NFIX: variants seen among roughly 807,000 people sequenced by gnomAD.
NFIX encodes nuclear factor I X.
NFIX carries 2 observed loss-of-function variants against 53.3 expected under a neutral mutation model. That is an observed-to-expected ratio of 0.04 (90% CI 0.02 to 0.12). The LOEUF (loss-of-function observed/expected upper bound fraction) is 0.12, where lower values mean the gene tolerates loss of function less well. NFIX is among the 10% of genes least tolerant of loss of function. The pLI is 1.00. For missense variants in NFIX, 310 were observed against 674.5 expected (o/e 0.46, Z 5.99); for synonymous variants, 244 against 289.0 (o/e 0.84, Z 1.58).
At chr19:13,054,301 G>T (rs1234591960) in intron 2 of NFIX, among the ~76,000 whole-genome samples, 1 of 152,228 alleles carries the variant, frequency 6.6e-6, no homozygotes. Context: ...GTTCTCATCT[G>T]TAAAGATGGG....
intron 8 of NFIX, among the ~76,000 whole-genome samples, chr19:13,085,628 C>T (rs1478135093): frequency 6.6e-6 from 1 of 152,252 alleles, no homozygotes; most frequent in African/African-American, 2.4e-5. Context: ...CAGCCCTTGA[C>T]ACATATGGGG....
chr19:13,091,382 C>T (rs866452686), intron 10 of NFIX, among the ~76,000 whole-genome samples: 647 of 81,886 alleles, frequency 7.9e-3, no homozygotes, highest in Middle Eastern at 0.038. Flanking sequence ...TTTTTTTTTT[C>T]TTTTCCTTTC....
intron 1 of NFIX, among the ~76,000 whole-genome samples, chr19:12,997,737 G>A (rs913285541): frequency 2.0e-5 from 3 of 152,162 alleles, no homozygotes; most frequent in African/African-American, 7.2e-5. Context: ...CCCATGGCTT[G>A]GGTGAGACAC....
At position 13,012,235 on chromosome 19, in the gene NFIX, T is replaced by TGGA. The variant is rs1367028122; in HGVS notation, c.28-12784_28-12782dup. The TGGA allele has an allele frequency of 6.6e-6, 1 of 152,032 alleles. No individual in the cohort carries two copies. Among genetic ancestry groups the TGGA allele is most frequent in the Non-Finnish European group, 1.5e-5 (1 of 68,018 alleles). 9.4% of individuals were successfully genotyped at this position (152,032 alleles called of 1,614,324 possible). A position where few individuals can be genotyped will look rare whatever the true frequency, so the allele number is the denominator to read the frequency against. On this transcript the variant is annotated intron_variant, in intron 1 of 10. Transcript: ENST00000592199. The surrounding 1 kb of genome is among the most constrained non-coding windows in gnomAD (Gnocchi z 5.0). Reference sequence around the variant, plus strand: ...CGACGGAACCGCCATGGGTGCTGAGTGGAGAGTGGGGACCGCGGACCCCGG... The same window carrying TGGA: ...CGACGGAACCGCCATGGGTGCTGAGTGGAGGAGAGTGGGGACCGCGGACCCCGG...
Position 12,998,492 on chromosome 19 carries a change from C to T in NFIX, c.27+2628C>T, listed in dbSNP as rs1568249205. ...AAAAATCTCCTTCTAGAAAAAGCAT[C>T]GAAATTCAGGGCGGCCGGGTGGGGC... On this transcript the variant is annotated intron_variant, in intron 1 of 10. Transcript: ENST00000592199. This position sits in a 1 kb window ranked among gnomAD's most constrained non-coding sequence, Gnocchi z 4.4. Among the ~76,000 whole-genome samples the T allele has an allele frequency of 6.6e-6, 1 of 151,928 alleles. No homozygotes were observed. Among genetic ancestry groups the T allele is most frequent in the South Asian group, 2.1e-4 (1 of 4,810 alleles).
At chr19:13,015,764 A>C (rs2012625335) in intron 1 of NFIX, among the ~76,000 whole-genome samples, 1 of 151,648 alleles carries the variant, frequency 6.6e-6, no homozygotes, top group South Asian at 2.1e-4. Flanking sequence ...TGTTGATGGG[A>C]TCAGAGTTGG....
chr19:13,077,391 C>G (rs1276734622), intron 6 of NFIX, among the ~76,000 whole-genome samples: 1 of 152,180 alleles, frequency 6.6e-6, no homozygotes, highest in South Asian at 2.1e-4. Context: ...TTTTCATGGG[C>G]TGCAACAAAT....
At chr19:13,085,552 C>T (rs1037844988) in intron 8 of NFIX, among the ~76,000 whole-genome samples, 5 of 152,250 alleles carry the variant, frequency 3.3e-5, no homozygotes, top group African/African-American at 4.8e-5. Context: ...CAAACCCCCA[C>T]GCTCTGACCT....
At chr19:13,080,543 G>A (rs1009998573) in intron 7 of NFIX, among the ~76,000 whole-genome samples, 1 of 151,350 alleles carries the variant, frequency 6.6e-6, no homozygotes, top group African/African-American at 2.4e-5. Context: ...GTTTAAAATG[G>A]TTTAAAATGT....
intron 2 of NFIX, among the ~76,000 whole-genome samples, chr19:13,061,116 G>A (rs1318303615): frequency 6.2e-5 from 8 of 129,430 alleles, no homozygotes. Context: ...GGGCAGCTCC[G>A]TTCTGAAAGA....
Position 13,088,844 on chromosome 19 carries a change from C to A in NFIX, c.1402+708C>A, listed in dbSNP as rs929033242. Among the ~76,000 whole-genome samples the A allele has an allele frequency of 1.3e-5, 2 of 151,944 alleles. No homozygotes were observed. The highest frequency in any genetic ancestry group is 2.9e-5 in the Non-Finnish European group (2 of 67,984). On this transcript the variant is annotated intron_variant, in intron 9 of 10. Transcript: ENST00000592199. The surrounding 1 kb of genome is among the most constrained non-coding windows in gnomAD (Gnocchi z 5.9). ...CTCTCTCTCTGTCTCTCTTTCTTTT[C>A]TTTTCTTTTCTTTTTTTTTCCTCTT...
At chr19:13,076,336 C>T (rs1041709331) in intron 6 of NFIX, among the ~76,000 whole-genome samples, 6 of 152,172 alleles carry the variant, frequency 3.9e-5, no homozygotes, top group Non-Finnish European at 8.8e-5. Context: ...CCAGCTCAGA[C>T]CTTCCCAGTC....
chr19:13,024,082 T>C, intron 1 of NFIX: 1 of 1,094,228 alleles, frequency 9.1e-7, no homozygotes, highest in South Asian at 1.4e-5. Flanking sequence ...CAGAAATCAA[T>C]TATTATTTAA....
rs2011487077 is a variant in NFIX at position 12,996,843 on chromosome 19, G to GGCT, written c.27+982_27+984dup. Among the ~76,000 whole-genome samples, 1 of 152,262 alleles carries GGCT rather than the reference G, an allele frequency of 6.6e-6. No homozygotes were observed. Among genetic ancestry groups the GGCT allele is most frequent in the Non-Finnish European group, 1.5e-5 (1 of 68,038 alleles). ...CAGCGAAGTTCCCTGCGCGGCGCAC[G>GGCT]GCTGCGGCAAAAGCTTCGAGGATGC... On this transcript the variant is annotated intron_variant, in intron 1 of 10. Transcript: ENST00000592199. The surrounding 1 kb of genome is among the most constrained non-coding windows in gnomAD (Gnocchi z 5.2).
Position 13,078,821 on chromosome 19 carries a change from T to C in NFIX, c.1078+86T>C, listed in dbSNP as rs752136551. On this transcript the variant is annotated intron_variant, in intron 7 of 10. Transcript: ENST00000592199. The surrounding 1 kb of genome is among the most constrained non-coding windows in gnomAD (Gnocchi z 4.7). ...GCTGGCCAGGTGAAGGGGCCAGAGC[T>C]GACCCCGAGTGACAGCCCCACGCTC... The C allele has an allele frequency of 1.4e-6, 2 of 1,406,160 alleles. No individual in the cohort carries two copies. The highest frequency in any genetic ancestry group is 1.9e-6 in the Non-Finnish European group (2 of 1,055,334). 87.1% of individuals were successfully genotyped at this position (1,406,160 alleles called of 1,614,324 possible).
intron 2 of NFIX, among the ~76,000 whole-genome samples, chr19:13,042,012 C>G (rs1416393993): frequency 1.3e-5 from 2 of 151,896 alleles, no homozygotes; most frequent in African/African-American, 2.4e-5. Context: ...ATTCTGCTGC[C>G]TCAGCCTCCC....
At position 13,090,634 on chromosome 19, in the gene NFIX, G is replaced by A. The variant is rs930615827; in HGVS notation, c.1494+244G>A. 6.6e-6 allele frequency among the ~76,000 whole-genome samples: 1 copy of A among 152,238 alleles called. No homozygotes were observed. Among genetic ancestry groups the A allele is most frequent in the Admixed American group, 6.5e-5 (1 of 15,288 alleles). ...CTCTGACAGCCCTGGCCCTGGGGAA[G>A]GCGGCCAAGGACCCAAGTCTAGAGG... On this transcript the variant is annotated intron_variant, in intron 10 of 10. Coordinates refer to ENST00000592199, the MANE Select transcript of NFIX (RefSeq NM_001365902.3). The surrounding 1 kb of genome is among the most constrained non-coding windows in gnomAD (Gnocchi z 6.6).
rs888457720 is a variant in NFIX, at chr19:13,088,489, GTTTT to G, written c.1402+363_1402+366del. 2.8e-5 allele frequency among the ~76,000 whole-genome samples: 4 copies of G among 143,994 alleles called. No homozygotes were observed. The highest frequency in any genetic ancestry group is 6.1e-5 in the Non-Finnish European group (4 of 65,312). The allele number at this position is 143,994 out of a possible 152,430, so 94.5% of individuals were successfully genotyped here. On this transcript the variant is annotated intron_variant, in intron 9 of 10. Transcript: ENST00000592199. The surrounding 1 kb of genome is among the most constrained non-coding windows in gnomAD (Gnocchi z 5.9). ...CATGCCATCTTCATGCCTGATTGCT[GTTTT>G]TTTTTTTTTGTTTTTTGTTTTTGTT...
At chr19:13,056,697 C>G (rs1337601712) in intron 2 of NFIX, among the ~76,000 whole-genome samples, 1 of 152,208 alleles carries the variant, frequency 6.6e-6, no homozygotes, top group African/African-American at 2.4e-5. Context: ...CTTTCTGTTC[C>G]TCACTTACTT....
Sources: gnomAD v4.1 joint callset for allele counts (sites outside exome capture counted in the v4.1 genomes callset) on GRCh38, gnomAD v4.1.1 for gene constraint, Gnocchi (gnomAD v3.1) non-coding constraint, MANE v1.5 for transcripts, NCBI Gene and HGNC (gene_info 2026-07-23, HGNC 2026-07-21) for gene names.